The following RGS8 variants were observed in gnomAD, a reference collection of about 807,000 sequenced individuals.
RGS8 encodes the protein regulator of G protein signaling 8, also known as regulator of G-protein signaling 8.
RGS8 carries 8 observed loss-of-function variants against 21.7 expected under a neutral mutation model. The ratio of observed to expected loss-of-function variants is 0.37; its 90% CI spans 0.22 to 0.66. The LOEUF (loss-of-function observed/expected upper bound fraction) is 0.66. Ranked by LOEUF, RGS8 falls within the 30% of genes least tolerant of loss-of-function variation. RGS8 has a pLI of 0.59. For missense variants in RGS8, 157 were observed against 217.9 expected (o/e 0.72, Z 1.76); for synonymous variants, 80 against 83.6 (o/e 0.96, Z 0.24).
chr1:182,672,957 G>T, upstream of RGS8: 1 of 1,069,170 alleles, frequency 9.4e-7, no homozygotes, highest in Non-Finnish European at 1.4e-6. Context: ...AAATGCAAAT[G>T]TTCAGGCCCC....
At chr1:182,742,202 C>T in the RGS8 span, among the ~76,000 whole-genome samples, 10 of 150,086 alleles carry the variant, frequency 6.7e-5, no homozygotes, top group African/African-American at 2.2e-4. Context: ...AGAGGCGCTC[C>T]TCACTTCCTA....
the RGS8 span, among the ~76,000 whole-genome samples, chr1:182,719,930 TTCTAG>T: frequency 1.3e-5 from 2 of 152,212 alleles, no homozygotes; most frequent in African/African-American, 4.8e-5. Flanking sequence ...ACCCTATTTC[TTCTAG>T]TCTAATCAGT....
chr1:182,740,852 A>G, the RGS8 span, among the ~76,000 whole-genome samples: 1 of 152,076 alleles, frequency 6.6e-6, no homozygotes, highest in Non-Finnish European at 1.5e-5. Context: ...CACATGTTTC[A>G]GAGAGCACAG....
intron 5 of RGS8, among the ~76,000 whole-genome samples, chr1:182,655,659 G>A (rs1048744556): frequency 2.6e-5 from 4 of 152,132 alleles, no homozygotes; most frequent in African/African-American, 9.7e-5. Flanking sequence ...ACTTCACTAG[G>A]CCCCAGCATC....
intron 5 of RGS8, among the ~76,000 whole-genome samples, chr1:182,650,862 C>T (rs1662979557): frequency 6.6e-6 from 1 of 152,108 alleles, no homozygotes; most frequent in African/African-American, 2.4e-5. Flanking sequence ...TAATTATAAA[C>T]CATGACCACC....
At chr1:182,720,984 C>T in the RGS8 span, among the ~76,000 whole-genome samples, 6 of 45,850 alleles carry the variant, frequency 1.3e-4, no homozygotes, top group South Asian at 3.6e-3. Flanking sequence ...TACATATATA[C>T]ACATATATAT....
chr1:182,724,432 G>A, the RGS8 span, among the ~76,000 whole-genome samples: 3 of 151,616 alleles, frequency 2.0e-5, no homozygotes, highest in Non-Finnish European at 2.9e-5. Flanking sequence ...CTTGTTATAC[G>A]AGTAGGTTAC....
the RGS8 span, chr1:182,714,694 G>A: frequency 3.3e-5 from 5 of 152,216 alleles, no homozygotes; most frequent in Non-Finnish European, 7.3e-5. Context: ...AGGGCAGCTT[G>A]CCAGTGATGC....
chr1:182,674,868 A>G (rs58704519), upstream of RGS8, among the ~76,000 whole-genome samples: 2,941 of 152,296 alleles, frequency 0.019, 90 homozygotes, highest in African/African-American at 0.064. Context: ...TTACAGGAAC[A>G]CAGTGATTGC....
upstream of RGS8, chr1:182,672,119 G>A (rs905338733): frequency 8.9e-6 from 2 of 225,898 alleles, no homozygotes; most frequent in Non-Finnish European, 1.7e-5. Context: ...CTGTGCGGGG[G>A]GCAGCAAAGA....
At chr1:182,704,288 T>C in the RGS8 span, among the ~76,000 whole-genome samples, 2 of 152,226 alleles carry the variant, frequency 1.3e-5, no homozygotes, top group African/African-American at 4.8e-5. Context: ...GGAGAGGTTT[T>C]TTCTTGAAAC....
At chr1:182,653,520 C>T (rs1427994161) in intron 5 of RGS8, among the ~76,000 whole-genome samples, 1 of 151,668 alleles carries the variant, frequency 6.6e-6, no homozygotes, top group East Asian at 1.9e-4. Context: ...ATGGTGAAAC[C>T]CCATCTCTAC....
the RGS8 span, among the ~76,000 whole-genome samples, chr1:182,720,955 ATACATATGTGTG>A: frequency 0.031 from 2,016 of 64,876 alleles, 74 homozygotes; most frequent in African/African-American, 0.078. Flanking sequence ...ACATATATAC[ATACATATGTGTG>A]TATATATACA....
chr1:182,645,574 C>T (rs1270898283), downstream of RGS8: 2 of 152,184 alleles, frequency 1.3e-5, no homozygotes, highest in Non-Finnish European at 2.9e-5. Flanking sequence ...TCTTCTTAGC[C>T]ACACCTCCTA....
chr1:182,650,905 A>G (rs1662981008), intron 5 of RGS8, among the ~76,000 whole-genome samples: 1 of 152,136 alleles, frequency 6.6e-6, no homozygotes, highest in Non-Finnish European at 1.5e-5. Flanking sequence ...GATTACCTTA[A>G]CTCTAAACCA....
chr1:182,666,802 T>C, intron 4 of RGS8, 70 bp downstream of exon 5: 1 of 1,140,332 alleles, frequency 8.8e-7, no homozygotes, highest in Admixed American at 1.7e-5. Context: ...CTGGTCAGCA[T>C]CTCACTAAAG....
chr1:182,726,662 CTCTG>C, the RGS8 span, among the ~76,000 whole-genome samples: 3 of 150,494 alleles, frequency 2.0e-5, no homozygotes, highest in South Asian at 6.3e-4. Flanking sequence ...AAAAGCGAGA[CTCTG>C]TCTCAAAAAA....
the RGS8 span, among the ~76,000 whole-genome samples, chr1:182,726,541 A>C: frequency 6.6e-6 from 1 of 152,112 alleles, no homozygotes; most frequent in Non-Finnish European, 1.5e-5. Flanking sequence ...ATGGTGGTGC[A>C]TGCCTATAAT....
intron 1 of RGS8, among the ~76,000 whole-genome samples, chr1:182,682,733 C>T (rs974340761): frequency 6.6e-6 from 1 of 152,136 alleles, no homozygotes; most frequent in Non-Finnish European, 1.5e-5. Flanking sequence ...GTACTTTTTC[C>T]ACCCCAACTC....
Sources: allele counts gnomAD v4.1 joint callset (sites outside exome capture counted in the v4.1 genomes callset), GRCh38; gene constraint gnomAD v4.1.1; transcripts MANE v1.5; gene names NCBI Gene and HGNC (gene_info 2026-07-23, HGNC 2026-07-21).